LRGUK: variants seen among roughly 807,000 people sequenced by gnomAD.
LRGUK encodes leucine rich repeats and guanylate kinase domain containing.
Under a neutral mutation model 76.0 loss-of-function variants are expected in LRGUK, and 65 were observed. The observed-to-expected ratio is 0.85, with a 90% CI of 0.70 to 1.05. LRGUK has a LOEUF of 1.05. LRGUK is among the 50% of genes least tolerant of loss of function. The pLI, the probability that LRGUK is intolerant of heterozygous loss-of-function variation, is 0.00. For synonymous variants in LRGUK, 268 were observed against 265.6 expected, an observed-to-expected ratio of 1.01 and a Z score of -0.09; for missense variants, 758 against 732.8, an observed-to-expected ratio of 1.03 and a Z score of -0.40.
chr7:134,209,241 A>G, exon 16 of LRGUK: 1 of 399,022 alleles, frequency 2.5e-6, no homozygotes, highest in Non-Finnish European at 4.4e-6. Flanking sequence ...GAACCTCTAC[A>G]GGGACCTGGC....
chr7:134,158,279 T>A, intron 6 of LRGUK, 120 bp downstream of exon 6: 1 of 877,260 alleles, frequency 1.1e-6, no homozygotes, highest in Admixed American at 2.7e-5. Flanking sequence ...TGAAATGTTA[T>A]TGTCTTCAGT....
chr7:134,200,004 A>T (rs1274347177), intron 14 of LRGUK, among the ~76,000 whole-genome samples: 1 of 127,786 alleles, frequency 7.8e-6, no homozygotes, highest in Non-Finnish European at 1.7e-5. Flanking sequence ...ATATATATAT[A>T]TATATATATA....
chr7:134,150,480 A>AG, intron 5 of LRGUK, among the ~76,000 whole-genome samples: 1 of 2,594 alleles, frequency 3.9e-4, no homozygotes, highest in African/African-American at 1.4e-3. Flanking sequence ...ACAAGCAAAC[A>AG]AAAAAAAAAA....
the LRGUK span, among the ~76,000 whole-genome samples, chr7:134,275,121 A>C: frequency 6.6e-6 from 1 of 151,982 alleles, no homozygotes; most frequent in Non-Finnish European, 1.5e-5. Flanking sequence ...CATGGTATTT[A>C]ATTTTTTTCA....
intron 18 of LRGUK, 124 bp downstream of exon 18, chr7:134,249,200 T>C (rs564234324): frequency 1.8e-6 from 2 of 1,134,062 alleles, no homozygotes; most frequent in African/African-American, 1.6e-5. Context: ...ACTCCCGCTG[T>C]AGAATTTGAA....
intron 12 of LRGUK, 150 bp downstream of exon 12, chr7:134,191,901 A>G: frequency 1.8e-6 from 1 of 550,000 alleles, no homozygotes. Context: ...TTTTTTCTTA[A>G]AGTGCTTAAT....
At chr7:134,269,663 A>AT in the LRGUK span, among the ~76,000 whole-genome samples, 3 of 152,118 alleles carry the variant, frequency 2.0e-5, no homozygotes, top group African/African-American at 7.2e-5. Context: ...ATTCTTTTAA[A>AT]TTTATTGAAA....
At chr7:134,247,029 C>A (rs1264177354) in intron 16 of LRGUK, among the ~76,000 whole-genome samples, 2 of 152,102 alleles carry the variant, frequency 1.3e-5, no homozygotes, top group Non-Finnish European at 2.9e-5. Flanking sequence ...CTTTTGAATG[C>A]AGAGACTATC....
chr7:134,254,132 A>C (rs1332271821), intron 18 of LRGUK, among the ~76,000 whole-genome samples: 1 of 152,222 alleles, frequency 6.6e-6, no homozygotes, highest in African/African-American at 2.4e-5. Flanking sequence ...CAGCAATTTT[A>C]AATAATATGC....
At chr7:134,183,548 A>C (rs1799848260) in intron 10 of LRGUK, among the ~76,000 whole-genome samples, 186 bp from the exon 11 acceptor site, 1 of 152,164 alleles carries the variant, frequency 6.6e-6, no homozygotes, top group Non-Finnish European at 1.5e-5. Context: ...CTTATTTGTT[A>C]TCTATGCTTT....
At chr7:134,258,264 G>C (rs1359547942) in exon 19 of LRGUK, 25 of 1,613,926 alleles carry the variant, frequency 1.5e-5, no homozygotes, top group Non-Finnish European at 2.0e-5. Context: ...CAGTGGGAAG[G>C]ATTCCTTGGT....
chr7:134,194,608 G>A (rs1800405102), intron 12 of LRGUK, among the ~76,000 whole-genome samples: 1 of 152,082 alleles, frequency 6.6e-6, no homozygotes, highest in Non-Finnish European at 1.5e-5. Context: ...TGGTGTAGGG[G>A]TTCATGCCTG....
At chr7:134,146,655 T>G (rs1035222348) in intron 4 of LRGUK, among the ~76,000 whole-genome samples, 1 of 152,248 alleles carries the variant, frequency 6.6e-6, no homozygotes, top group Non-Finnish European at 1.5e-5. Context: ...TGTTGCTTGC[T>G]GTATTGCAAT....
At chr7:134,271,481 G>A in the LRGUK span, among the ~76,000 whole-genome samples, 1 of 151,802 alleles carries the variant, frequency 6.6e-6, no homozygotes, top group Middle Eastern at 3.2e-3. Flanking sequence ...TGTGTATGAT[G>A]TGAGATAGGA....
rs749362105 is a variant in LRGUK at position 134,263,845 on chromosome 7, C to A, written c.2348C>A (p.Ala783Glu). The change falls in exon 20 of 20, where the codon GCA (alanine) becomes GAA (glutamate). Residue 783 changes from alanine (A) to glutamate (E), a missense_variant and splice_region_variant. Transcript: ENST00000285928. ...ATCTTTTTTTCTGAATGTTTTACAGCACTACCTATACAATCATTTTCACAT... is the reference window on the plus strand; with the variant it reads ...ATCTTTTTTTCTGAATGTTTTACAGAACTACCTATACAATCATTTTCACAT... The A allele has an allele frequency of 3.1e-6, 5 of 1,605,528 alleles. No homozygotes were observed. In the South Asian group the frequency reaches 5.6e-5, roughly 18 times the overall value.
At chr7:134,236,369 T>C (rs1802017104) in intron 16 of LRGUK, among the ~76,000 whole-genome samples, 2 of 152,310 alleles carry the variant, frequency 1.3e-5, no homozygotes, top group South Asian at 4.1e-4. Context: ...TTAAAATAAA[T>C]AATATATATT....
intron 12 of LRGUK, among the ~76,000 whole-genome samples, chr7:134,195,814 A>C (rs1800454467): frequency 6.6e-6 from 1 of 152,162 alleles, no homozygotes; most frequent in Admixed American, 6.5e-5. Flanking sequence ...TAGTAAGGAT[A>C]TTTATTGTTG....
At chr7:134,247,057 C>T (rs1802320383) in intron 16 of LRGUK, among the ~76,000 whole-genome samples, 1 of 152,020 alleles carries the variant, frequency 6.6e-6, no homozygotes, top group Non-Finnish European at 1.5e-5. Context: ...TATCTGTATC[C>T]CCATTAAATG....
intron 5 of LRGUK, among the ~76,000 whole-genome samples, chr7:134,151,900 AG>A (rs1798238749): frequency 6.6e-6 from 1 of 152,064 alleles, no homozygotes; most frequent in Non-Finnish European, 1.5e-5. Context: ...AAATTCATAG[AG>A]GATGTCTACA....
Sources: allele counts gnomAD v4.1 joint callset (sites outside exome capture counted in the v4.1 genomes callset), GRCh38; gene constraint gnomAD v4.1.1; transcripts MANE v1.5; gene names NCBI Gene and HGNC (gene_info 2026-07-23, HGNC 2026-07-21).